Variants in SUPT3H observed in about 807,000 individuals in gnomAD.
SUPT3H encodes transcription initiation protein SPT3 homolog.
A neutral mutation model predicts 44.3 loss-of-function variants in SUPT3H; 44 were observed. The observed-to-expected ratio is 0.99, with a 90% CI of 0.78 to 1.28. The LOEUF is 1.28. Among genes scored for constraint, SUPT3H ranks in the 50% most tolerant of loss-of-function variants. The pLI is 0.00. For synonymous variants in SUPT3H, 124 were observed against 125.6 expected, an observed-to-expected ratio of 0.99 and a Z score of 0.09; for missense variants, 380 against 387.1, an observed-to-expected ratio of 0.98 and a Z score of 0.15.
At chr6:44,815,963 A>G (rs1384054991) in intron 11 of SUPT3H, among the ~76,000 whole-genome samples, 4 of 152,126 alleles carry the variant, frequency 2.6e-5, no homozygotes, top group African/African-American at 9.7e-5. Context: ...TTTCAAGTGC[A>G]TATGCACATG....
chr6:45,062,971 G>A (rs535381735), intron 3 of SUPT3H, among the ~76,000 whole-genome samples: 1 of 151,888 alleles, frequency 6.6e-6, no homozygotes, highest in African/African-American at 2.4e-5. Context: ...AGCTCAAGGA[G>A]ACCTGCCTGC....
chr6:45,023,294 G>A (rs895160375), intron 3 of SUPT3H, among the ~76,000 whole-genome samples: 1 of 151,968 alleles, frequency 6.6e-6, no homozygotes, highest in African/African-American at 2.4e-5. Flanking sequence ...TGCTGGCAAG[G>A]CTGTGGAGAA....
At chr6:45,239,391 T>C (rs985317683) in intron 2 of SUPT3H, among the ~76,000 whole-genome samples, 2 of 152,228 alleles carry the variant, frequency 1.3e-5, no homozygotes, top group African/African-American at 4.8e-5. Flanking sequence ...TAACCCATGT[T>C]AATGCCTCTG....
chr6:44,980,374 A>T (rs1778933339), intron 6 of SUPT3H, among the ~76,000 whole-genome samples: 1 of 152,152 alleles, frequency 6.6e-6, no homozygotes, highest in Non-Finnish European at 1.5e-5. Context: ...CATCAATGTT[A>T]TAACAAAATG....
At chr6:45,070,597 C>T (rs1419009261) in intron 3 of SUPT3H, among the ~76,000 whole-genome samples, 4 of 151,808 alleles carry the variant, frequency 2.6e-5, no homozygotes, top group African/African-American at 7.3e-5. Flanking sequence ...AAAAATTGGC[C>T]GGGCATGGCA....
chr6:44,930,462 C>G (rs919979716), intron 10 of SUPT3H, among the ~76,000 whole-genome samples: 16 of 148,186 alleles, frequency 1.1e-4, no homozygotes, highest in African/African-American at 4.0e-4. Context: ...ACTCAGGAGG[C>G]TGAGGTAGGG....
At chr6:45,312,042 G>C (rs142799370) in intron 2 of SUPT3H, among the ~76,000 whole-genome samples, 19 of 152,108 alleles carry the variant, frequency 1.2e-4, no homozygotes, top group African/African-American at 4.6e-4. Context: ...TGCAGAATAG[G>C]TAAGAACTCA....
intron 10 of SUPT3H, among the ~76,000 whole-genome samples, chr6:44,859,659 G>T (rs907465251): frequency 6.6e-6 from 1 of 152,118 alleles, no homozygotes; most frequent in Non-Finnish European, 1.5e-5. Context: ...GGTCCTGTCC[G>T]AAATTCAAGG....
intron 2 of SUPT3H, among the ~76,000 whole-genome samples, chr6:45,326,375 T>C (rs1182158718): frequency 6.6e-6 from 1 of 151,900 alleles, no homozygotes; most frequent in Admixed American, 6.6e-5. Flanking sequence ...AAAACCCTCC[T>C]TTTGTTTACT....
intron 2 of SUPT3H, among the ~76,000 whole-genome samples, chr6:45,317,888 C>G (rs930772252): frequency 6.6e-6 from 1 of 152,018 alleles, no homozygotes; most frequent in Admixed American, 6.6e-5. Context: ...AAACAATCAA[C>G]AGAGTAAAGA....
intron 3 of SUPT3H, among the ~76,000 whole-genome samples, chr6:45,046,328 T>TTTTG (rs907707659): frequency 3.9e-5 from 6 of 152,106 alleles, no homozygotes; most frequent in African/African-American, 7.2e-5. Context: ...GCTTGTTTTT[T>TTTTG]TTTGTTTGTT....
chr6:45,158,255 AT>A, intron 2 of SUPT3H, among the ~76,000 whole-genome samples: 1 of 129,392 alleles, frequency 7.7e-6, no homozygotes. Context: ...TAATGCCTAT[AT>A]TTTATATATA....
At chr6:44,904,871 C>A (rs1426143194) in intron 10 of SUPT3H, among the ~76,000 whole-genome samples, 1 of 152,124 alleles carries the variant, frequency 6.6e-6, no homozygotes, top group African/African-American at 2.4e-5. Context: ...TGCCACATAT[C>A]TACAACCATC....
intron 2 of SUPT3H, among the ~76,000 whole-genome samples, chr6:45,232,114 C>A (rs538660072): frequency 1.3e-5 from 2 of 152,224 alleles, no homozygotes; most frequent in South Asian, 4.1e-4. Flanking sequence ...GGGATTATCA[C>A]ATTCTATTTC....
At chr6:45,253,870 T>TATATATATATATATATATATATATAC (rs1438133089) in intron 2 of SUPT3H, among the ~76,000 whole-genome samples, 1 of 140,644 alleles carries the variant, frequency 7.1e-6, no homozygotes, top group Non-Finnish European at 1.5e-5. Context: ...TATATATATA[T>TATATATATATATATATATATATATAC]ATACACACAC....
chr6:45,047,407 G>A (rs1268345788), intron 3 of SUPT3H, among the ~76,000 whole-genome samples: 2 of 152,088 alleles, frequency 1.3e-5, no homozygotes, highest in Admixed American at 6.5e-5. Context: ...AAGAATATTA[G>A]GGTTGTTGGT....
intron 2 of SUPT3H, among the ~76,000 whole-genome samples, chr6:45,122,183 TACA>T (rs1801778934): frequency 6.6e-6 from 1 of 152,154 alleles, no homozygotes; most frequent in Non-Finnish European, 1.5e-5. Context: ...TGCTAGAGCC[TACA>T]ATAATCTATT....
At chr6:45,266,618 A>C (rs982154842) in intron 2 of SUPT3H, among the ~76,000 whole-genome samples, 1 of 152,056 alleles carries the variant, frequency 6.6e-6, no homozygotes, top group African/African-American at 2.4e-5. Context: ...TGACATCTAT[A>C]TCCCTAATAA....
rs531116693 is a variant in SUPT3H, at chr6:45,338,928, G to C, written c.101+26273C>G. 7.7e-4 allele frequency among the ~76,000 whole-genome samples: 117 copies of C among 152,082 alleles called. 1 individual carries two copies. Among genetic ancestry groups the C allele is most frequent in the Middle Eastern group, 3.4e-3 (1 of 294 alleles). On this transcript the variant is annotated intron_variant, in intron 2 of 10. Coordinates refer to ENST00000371459, the MANE Select transcript of SUPT3H (RefSeq NM_003599.4). Reference sequence around the variant, plus strand: ...CTTGCCTCATACAAATTCTAGTCCTGAGCTGAAGACACATAAGTATAAACT... The same window carrying C: ...CTTGCCTCATACAAATTCTAGTCCTCAGCTGAAGACACATAAGTATAAACT...
Sources: gnomAD v4.1 joint callset for allele counts (sites outside exome capture counted in the v4.1 genomes callset) on GRCh38, gnomAD v4.1.1 for gene constraint, MANE v1.5 for transcripts, NCBI Gene and HGNC (gene_info 2026-07-23, HGNC 2026-07-21) for gene names.